Variants in MAP3K14 observed in about 807,000 individuals in gnomAD.
MAP3K14 encodes the protein NF-kappa-beta-inducing kinase.
In MAP3K14, 16 loss-of-function variants were observed where a neutral mutation model predicts 99.2. The ratio of observed to expected loss-of-function variants is 0.16; its 90% CI spans 0.11 to 0.24. The LOEUF (loss-of-function observed/expected upper bound fraction) is 0.24, where lower values mean the gene tolerates loss of function less well. Ranked by LOEUF, MAP3K14 falls within the 10% of genes least tolerant of loss-of-function variation. MAP3K14 has a pLI of 1.00. For synonymous variants in MAP3K14, 462 were observed against 492.4 expected, an observed-to-expected ratio of 0.94 and a Z score of 0.82; for missense variants, 784 against 1,208.7, an observed-to-expected ratio of 0.65 and a Z score of 5.21.
intron 6 of MAP3K14, among the ~76,000 whole-genome samples, chr17:45,275,630 A>G (rs2044173964): frequency 6.6e-6 from 1 of 151,916 alleles, no homozygotes; most frequent in Non-Finnish European, 1.5e-5. Flanking sequence ...TTTCTGGGCA[A>G]TTTCTAGGAT....
At chr17:45,269,017 C>CTTTA (rs767080984) in intron 11 of MAP3K14, among the ~76,000 whole-genome samples, 5 of 151,968 alleles carry the variant, frequency 3.3e-5, no homozygotes, top group Admixed American at 6.6e-5. Flanking sequence ...TGTTACCTGG[C>CTTTA]TTTATTTATT....
rs561212125 is a variant in MAP3K14 at position 45,308,427 on chromosome 17, C to A, written c.-21+8533G>T. On this transcript the variant is annotated intron_variant, in intron 1 of 15. Coordinates refer to ENST00000344686, the MANE Select transcript of MAP3K14 (RefSeq NM_003954.5). Reference sequence around the variant, plus strand: ...TGTGCCAGTGTGGTCACTGCCCTCCCAATTCTCACTTGGAGGGGTGGGAGG... The same window carrying A: ...TGTGCCAGTGTGGTCACTGCCCTCCAAATTCTCACTTGGAGGGGTGGGAGG... 2.0e-4 allele frequency among the ~76,000 whole-genome samples: 31 copies of A among 152,308 alleles called. No homozygotes were observed. In the South Asian group the frequency reaches 5.4e-3, roughly 26 times the overall value.
chr17:45,290,432 C>G, intron 2 of MAP3K14, 58 bp downstream of exon 2: 1 of 1,599,978 alleles, frequency 6.3e-7, no homozygotes, highest in African/African-American at 1.3e-5. Flanking sequence ...CTGGGCCCAG[C>G]TACCCACCTG....
intron 1 of MAP3K14, among the ~76,000 whole-genome samples, chr17:45,295,048 G>T (rs2044337182): frequency 6.6e-6 from 1 of 152,144 alleles, no homozygotes; most frequent in East Asian, 1.9e-4. Context: ...GGGGTTTACA[G>T]TAAACAAATT....
intron 1 of MAP3K14, among the ~76,000 whole-genome samples, chr17:45,298,300 A>C (rs1034001051): frequency 2.0e-5 from 3 of 152,238 alleles, no homozygotes; most frequent in African/African-American, 7.2e-5. Context: ...GGAAAAAAGA[A>C]GCAAAAAGGA....
Position 45,286,422 on chromosome 17 carries a change from A to T in MAP3K14, c.1152+9T>A, listed in dbSNP as rs1490756491. The T allele has an allele frequency of 6.3e-6, 10 of 1,575,884 alleles. No individual in the cohort carries two copies. The highest frequency in any genetic ancestry group is 6.9e-6 in the Non-Finnish European group (8 of 1,157,184). ...GAGGGACATATACAGGTGCCGGGGG[A>T]TTAGTTACCTCAGTGAGCAGGACAC... On this transcript the variant is annotated intron_variant, in intron 5 of 15. Coordinates refer to ENST00000344686, the MANE Select transcript of MAP3K14 (RefSeq NM_003954.5). The surrounding 1 kb of genome is among the most constrained non-coding windows in gnomAD (Gnocchi z 4.1).
intron 1 of MAP3K14, among the ~76,000 whole-genome samples, chr17:45,315,174 T>C (rs929410627): frequency 2.0e-5 from 3 of 151,956 alleles, no homozygotes; most frequent in Non-Finnish European, 2.9e-5. Context: ...CCTTCATCTG[T>C]TGAGGCGAAA....
At chr17:45,308,330 G>C (rs998849695) in intron 1 of MAP3K14, among the ~76,000 whole-genome samples, 3 of 152,182 alleles carry the variant, frequency 2.0e-5, no homozygotes, top group African/African-American at 4.8e-5. Flanking sequence ...TTGGAATGCT[G>C]AACCCAGTTA....
intron 11 of MAP3K14, chr17:45,268,070 A>C: frequency 3.4e-6 from 1 of 298,172 alleles, no homozygotes; most frequent in Non-Finnish European, 6.2e-6. Context: ...AACAAGAAAG[A>C]GAAGATTGAA....
intron 9 of MAP3K14, 30 bp downstream of exon 9, chr17:45,273,473 G>C (rs754432836): frequency 4.0e-5 from 62 of 1,540,218 alleles, no homozygotes; most frequent in Admixed American, 1.9e-4. Context: ...GAATGCATTG[G>C]GGGGCACGGC....
At chr17:45,277,303 C>T (rs1007457417) in intron 6 of MAP3K14, among the ~76,000 whole-genome samples, 1 of 152,190 alleles carries the variant, frequency 6.6e-6, no homozygotes, top group Non-Finnish European at 1.5e-5. Context: ...TTCCTCCCCC[C>T]TCCCCGCTTA....
intron 13 of MAP3K14, 76 bp from the exon 14 acceptor site, chr17:45,266,757 GA>G: frequency 6.7e-7 from 1 of 1,490,086 alleles, no homozygotes. Flanking sequence ...CTCATTTGGG[GA>G]AAAGGGGCAC....
In MAP3K14 at chr17:45,277,302, C is replaced by A. The variant is rs563538294; in HGVS notation, c.1291-2709G>T. On this transcript the variant is annotated intron_variant, in intron 6 of 15. Transcript: ENST00000344686. ...ATATCTCCTAATGCTATTCCTCCCC[C>A]CTCCCCGCTTAGTAGACTTGTCCTC... Among the ~76,000 whole-genome samples the A allele has an allele frequency of 1.1e-4, 17 of 152,282 alleles. No individual in the cohort carries two copies. In the East Asian group the frequency reaches 1.2e-3, roughly 10 times the overall value.
chr17:45,292,805 T>C (rs1227415744), intron 1 of MAP3K14, among the ~76,000 whole-genome samples: 1 of 152,204 alleles, frequency 6.6e-6, no homozygotes, highest in Non-Finnish European at 1.5e-5. Context: ...CAGTAGGGAA[T>C]GCTCACAGGG....
chr17:45,304,289 C>A (rs534167431), intron 1 of MAP3K14, among the ~76,000 whole-genome samples: 1 of 152,290 alleles, frequency 6.6e-6, no homozygotes, highest in African/African-American at 2.4e-5. Context: ...CAGGTGTGAG[C>A]CACCATGGTT....
At chr17:45,274,049 C>T (rs2044160178) in intron 8 of MAP3K14, 74 bp downstream of exon 8, 1 of 1,554,018 alleles carries the variant, frequency 6.4e-7, no homozygotes, top group African/African-American at 1.4e-5. Context: ...TAGCCCAGAA[C>T]TGAGAGGAGA....
chr17:45,291,466 T>C (rs1321035569), intron 1 of MAP3K14, among the ~76,000 whole-genome samples: 1 of 152,238 alleles, frequency 6.6e-6, no homozygotes, highest in Non-Finnish European at 1.5e-5. Context: ...CTAGGTATCA[T>C]TTTTCATTCA....
chr17:45,268,869 G>T (rs771701567), intron 11 of MAP3K14, among the ~76,000 whole-genome samples: 18 of 152,144 alleles, frequency 1.2e-4, no homozygotes, highest in Non-Finnish European at 2.1e-4. Flanking sequence ...TCAGTCTGCA[G>T]ACGTCTGCCT....
chr17:45,270,559 G>A lies in MAP3K14; in HGVS notation c.1826C>T (p.Ala609Val). 1 of 1,548,742 alleles carries A rather than the reference G, an allele frequency of 6.5e-7. No individual in the cohort carries two copies. The highest frequency in any genetic ancestry group is 8.7e-7 in the Non-Finnish European group (1 of 1,149,516). ...FFRGPLCLKI[A>V]SEPPPVREIP... is the part of the protein sequence containing the mutation. ...CTCCCTCACAGGCGGAGGCTCGCTG[G>A]CAATCTGGGGGGCAAAAGACAACAG... The change falls in exon 11 of 16, where the codon GCC (alanine) becomes GTC (valine). Residue 609 changes from alanine (A) to valine (V), a missense_variant. Physicochemically the swap from Ala to Val is moderately conservative, Grantham distance 64 (BLOSUM62 0). Transcript: ENST00000344686.
Sources: gnomAD v4.1 joint callset for allele counts (sites outside exome capture counted in the v4.1 genomes callset) on GRCh38, gnomAD v4.1.1 for gene constraint, Gnocchi (gnomAD v3.1) non-coding constraint, MANE v1.5 for transcripts, NCBI Gene and HGNC (gene_info 2026-07-23, HGNC 2026-07-21) for gene names.